Variants in PHLDB2 observed in about 807,000 individuals in gnomAD.
The protein encoded by PHLDB2 is pleckstrin homology-like domain family B member 2.
Under a neutral mutation model 123.6 loss-of-function variants are expected in PHLDB2, and 71 were observed. The ratio of observed to expected loss-of-function variants is 0.57; its 90% CI spans 0.47 to 0.70. The LOEUF is 0.70. Among genes scored for constraint, PHLDB2 ranks in the 30% least tolerant of loss-of-function variants. The probability of loss-of-function intolerance (pLI) is 0.00; values close to 1 mark genes in which losing one functional copy is unlikely to be tolerated. For synonymous variants in PHLDB2, 547 were observed against 541.6 expected (o/e 1.01, Z -0.14); for missense variants, 1,446 against 1,519.5 (o/e 0.95, Z 0.80).
chr3:111,789,645 T>C (rs2060829837), intron 1 of PHLDB2, among the ~76,000 whole-genome samples: 1 of 152,032 alleles, frequency 6.6e-6, no homozygotes, highest in African/African-American at 2.4e-5. Context: ...ACCTGTAAAA[T>C]AGCAATGGTA....
chr3:111,766,502 G>C (rs6777540), intron 1 of PHLDB2, among the ~76,000 whole-genome samples: 1 of 150,824 alleles, frequency 6.6e-6, no homozygotes, highest in Non-Finnish European at 1.5e-5. Flanking sequence ...ATTTTTACAC[G>C]TGCATAAAAA....
Position 111,732,834 on chromosome 3 carries a change from T to A in PHLDB2, c.-49+131T>A, listed in dbSNP as rs115754791. 1,145 of 681,090 alleles carry A rather than the reference T, an allele frequency of 1.7e-3. 8 individuals carry two copies. Among genetic ancestry groups the A allele is most frequent in the African/African-American group, 0.016 (889 of 57,278 alleles). 42.2% of individuals were successfully genotyped at this position (681,090 alleles called of 1,614,324 possible). On this transcript the variant is annotated intron_variant, in intron 1 of 17. Transcript: ENST00000393923. Reference sequence around the variant, plus strand: ...GGTAGACCCGGGTGTGTGTCTGAATTCAGTCATTTTTCTATCAGCCTGTTC... The same window carrying A: ...GGTAGACCCGGGTGTGTGTCTGAATACAGTCATTTTTCTATCAGCCTGTTC...
chr3:111,796,449 C>G (rs1206831951), intron 1 of PHLDB2, among the ~76,000 whole-genome samples: 1 of 152,194 alleles, frequency 6.6e-6, no homozygotes, highest in African/African-American at 2.4e-5. Flanking sequence ...TGGTAATTCT[C>G]TATATCTCCT....
At position 111,884,171 on chromosome 3, in the gene PHLDB2, C is replaced by T. The variant is rs1407290008; in HGVS notation, c.94C>T (p.Gln32Ter). ...SVVHSVENDS[Q>*]NMMESLSPKK... ...GGTGCATTCTGTTGAGAACGATTCC[C>T]AAAACATGATGGAGAGCCTCAGCCC... Residue 32 changes from glutamine to a stop codon, truncating the protein, a stop_gained, in exon 2 of 18, where the codon CAA (glutamine) becomes TAA (stop). Transcript: ENST00000431670. LOFTEE classifies it high-confidence loss of function. 2 of 1,614,126 alleles carry T rather than the reference C, an allele frequency of 1.2e-6. No homozygotes were observed. The highest frequency in any genetic ancestry group is 1.7e-6 in the Non-Finnish European group (2 of 1,180,022).
Position 111,913,426 on chromosome 3 carries a change from G to A in PHLDB2, c.1443G>A (p.Lys481=). 1.2e-6 allele frequency: 2 copies of A among 1,614,108 alleles called. No individual in the cohort carries two copies. The highest frequency in any genetic ancestry group is 1.7e-6 in the Non-Finnish European group (2 of 1,180,020). The part of the protein sequence containing the change: ...TTVEDVQKIN[K]ELEKLQLSDE... ...TGGAAGATGTGCAGAAAATCAACAA[G>A]GAGCTTGAGAAGCTGCAGCTCTCTG... The change falls in exon 3 of 18, where the codon AAG becomes AAA. Residue 481 remains lysine, a synonymous_variant. Coordinates refer to ENST00000431670, the MANE Select transcript of PHLDB2 (RefSeq NM_001134438.2).
intron 2 of PHLDB2, among the ~76,000 whole-genome samples, chr3:111,896,865 T>A (rs2066902752): frequency 6.6e-6 from 1 of 151,932 alleles, no homozygotes; most frequent in Non-Finnish European, 1.5e-5. Flanking sequence ...TTATTAGAAG[T>A]CACTTAAACA....
intron 5 of PHLDB2, among the ~76,000 whole-genome samples, chr3:111,926,594 T>C (rs903424306): frequency 1.3e-5 from 2 of 152,118 alleles, no homozygotes; most frequent in Admixed American, 1.3e-4. Flanking sequence ...TTTCTAGTTT[T>C]TTTTTTTTCT....
intron 13 of PHLDB2, among the ~76,000 whole-genome samples, chr3:111,965,947 T>A (rs1384965077): frequency 6.6e-6 from 1 of 152,208 alleles, no homozygotes; most frequent in African/African-American, 2.4e-5. Flanking sequence ...ATCATTTCTT[T>A]TGAAGCTCTT....
At chr3:111,963,632 C>A (rs1362321453) in intron 13 of PHLDB2, among the ~76,000 whole-genome samples, 1 of 151,988 alleles carries the variant, frequency 6.6e-6, no homozygotes, top group African/African-American at 2.4e-5. Context: ...GCAAATGTAC[C>A]CACAACTCTG....
At chr3:111,967,990 A>C (rs1431208307) in intron 15 of PHLDB2, among the ~76,000 whole-genome samples, 166 bp downstream of exon 15, 1 of 151,794 alleles carries the variant, frequency 6.6e-6, no homozygotes, top group Non-Finnish European at 1.5e-5. Flanking sequence ...AAAAAAAAAA[A>C]AAAAAAAAAT....
At chr3:111,793,323 G>C (rs1461228864) in intron 1 of PHLDB2, among the ~76,000 whole-genome samples, 1 of 152,020 alleles carries the variant, frequency 6.6e-6, no homozygotes, top group African/African-American at 2.4e-5. Context: ...ACTGCCCCAG[G>C]CTTGCAGAAA....
intron 1 of PHLDB2, among the ~76,000 whole-genome samples, chr3:111,876,211 T>C (rs1443836092): frequency 6.6e-6 from 1 of 152,102 alleles, no homozygotes; most frequent in Non-Finnish European, 1.5e-5. Flanking sequence ...TATTGATGGA[T>C]AAAATGAGGA....
At chr3:111,757,150 TA>T (rs1259046340) in intron 1 of PHLDB2, among the ~76,000 whole-genome samples, 1 of 152,114 alleles carries the variant, frequency 6.6e-6, no homozygotes, top group Non-Finnish European at 1.5e-5. Context: ...TCTCGAGGAG[TA>T]TCTTTGTGGA....
chr3:111,962,158 T>G lies in PHLDB2; in HGVS notation c.2923T>G (p.Tyr975Asp). The G allele has an allele frequency of 1.3e-6, 2 of 1,583,990 alleles. No individual in the cohort carries two copies. Among genetic ancestry groups the G allele is most frequent in the South Asian group, 1.2e-5 (1 of 85,438 alleles). ...SEGHRQKSEF[Y>D]NRTASESNVY... ...AGGACACAGGCAGAAATCTGAATTT[T>G]ATAACCGCACAGCATCTGAATCAAA... is the stretch of plus-strand genomic sequence containing the variant. The change falls in exon 13 of 18, where the codon TAT becomes GAT. Residue 975 changes from tyrosine (Y) to aspartate (D), a missense_variant. Around this residue, in one of 3 missense-constraint regions of PHLDB2, gnomAD observed 594 missense variants for 646.0 expected, o/e 0.92. Coordinates refer to ENST00000431670, the MANE Select transcript of PHLDB2 (RefSeq NM_001134438.2).
intron 1 of PHLDB2, among the ~76,000 whole-genome samples, chr3:111,737,553 C>T (rs2059531181): frequency 6.6e-6 from 1 of 152,122 alleles, no homozygotes; most frequent in Admixed American, 6.6e-5. Flanking sequence ...GGCAATTCAC[C>T]ATGCCTTGGA....
chr3:111,817,347 T>G (rs2062130116), intron 1 of PHLDB2, among the ~76,000 whole-genome samples: 3 of 152,202 alleles, frequency 2.0e-5, no homozygotes. Flanking sequence ...TGTTGCTTTA[T>G]GCACAAGAAG....
At chr3:111,896,598 G>A (rs1230286755) in intron 2 of PHLDB2, among the ~76,000 whole-genome samples, 2 of 152,124 alleles carry the variant, frequency 1.3e-5, no homozygotes, top group African/African-American at 4.8e-5. Flanking sequence ...CGATCTGCCT[G>A]CCTTGGCCAC....
intron 2 of PHLDB2, among the ~76,000 whole-genome samples, chr3:111,892,123 T>G (rs2066537828): frequency 6.6e-6 from 1 of 152,252 alleles, no homozygotes; most frequent in Admixed American, 6.5e-5. Flanking sequence ...CCAGCTCTCA[T>G]GAAGCATCAT....
intron 2 of PHLDB2, chr3:111,885,696 A>G (rs2066127973): frequency 1.6e-6 from 1 of 616,840 alleles, no homozygotes; most frequent in Non-Finnish European, 2.9e-6. Context: ...AGGAGTTGGG[A>G]ATTTTATGAA....
Sources: gnomAD v4.1 joint callset for allele counts (sites outside exome capture counted in the v4.1 genomes callset) on GRCh38, gnomAD v4.1.1 for gene constraint, gnomAD v4.1.1 regional missense constraint, MANE v1.5 for transcripts, NCBI Gene and HGNC (gene_info 2026-07-23, HGNC 2026-07-21) for gene names.